DLGAP4: variants seen among roughly 807,000 people sequenced by gnomAD.
The protein encoded by DLGAP4 is disks large-associated protein 4.
DLGAP4 carries 18 observed loss-of-function variants against 86.9 expected under a neutral mutation model. The observed-to-expected ratio is 0.21, with a 90% CI of 0.14 to 0.31. The LOEUF is 0.31. Ranked by LOEUF, DLGAP4 falls within the 10% of genes least tolerant of loss-of-function variation. The probability of loss-of-function intolerance (pLI) is 1.00; values close to 1 mark genes in which losing one functional copy is unlikely to be tolerated. For missense variants in DLGAP4, 1,085 were observed against 1,362.6 expected (o/e 0.80, Z 3.21); for synonymous variants, 548 against 574.3 (o/e 0.95, Z 0.65).
At chr20:36,352,000 C>T (rs986627987) in intron 1 of DLGAP4, among the ~76,000 whole-genome samples, 7 of 152,108 alleles carry the variant, frequency 4.6e-5, no homozygotes, top group African/African-American at 1.7e-4. Flanking sequence ...GCAGGTGAGA[C>T]AGGGTGTCTG....
chr20:36,439,606 CA>C, intron 4 of DLGAP4, 147 bp from the exon 5 acceptor site: 1 of 654,718 alleles, frequency 1.5e-6, no homozygotes, highest in East Asian at 2.8e-5. Context: ...GGGTTTTAAA[CA>C]GTCAAATACA....
intron 1 of DLGAP4, among the ~76,000 whole-genome samples, chr20:36,310,675 A>C (rs2065046184): frequency 6.6e-6 from 1 of 152,160 alleles, no homozygotes; most frequent in Non-Finnish European, 1.5e-5. Context: ...TGGAGGTGCC[A>C]GGGTTTGGAT....
intron 1 of DLGAP4, among the ~76,000 whole-genome samples, chr20:36,348,045 G>C (rs1555893158): frequency 6.6e-6 from 1 of 152,054 alleles, no homozygotes; most frequent in Non-Finnish European, 1.5e-5. Context: ...CAGCCATATT[G>C]CATGTATGAC....
chr20:36,494,477 A>G (rs1349437457), intron 7 of DLGAP4, among the ~76,000 whole-genome samples: 1 of 152,212 alleles, frequency 6.6e-6, no homozygotes. Flanking sequence ...AAAATAATAC[A>G]AAGGGATTCT....
Position 36,355,299 on chromosome 20 carries a change from T to TTTC in DLGAP4, c.-303-11744_-303-11743insCTT, listed in dbSNP as rs1491529403. Among the ~76,000 whole-genome samples, 37 of 124,568 alleles carry TTTC rather than the reference T, an allele frequency of 3.0e-4. No homozygotes were observed. In the East Asian group the frequency reaches 6.7e-3, roughly 23 times the overall value. 81.7% of individuals were successfully genotyped at this position (124,568 alleles called of 152,430 possible). A position where few individuals can be genotyped will look rare whatever the true frequency, so the allele number is the denominator to read the frequency against. ...TTGTTCTTTTTTCTTTCTTTCTTTCTTTTTTTTTTTTTTTAAGAGACAGGG... is the reference window on the plus strand; with the variant it reads ...TTGTTCTTTTTTCTTTCTTTCTTTCTTTCTTTTTTTTTTTTTTAAGAGACAGGG... On this transcript the variant is annotated intron_variant, in intron 1 of 12. Coordinates refer to ENST00000339266, the MANE Select transcript of DLGAP4 (RefSeq NM_001365621.2).
chr20:36,484,447 T>TG lies in DLGAP4; in HGVS notation c.1649-12254dup, dbSNP rs529780582. Among the ~76,000 whole-genome samples, 57 of 152,338 alleles carry TG rather than the reference T, an allele frequency of 3.7e-4. No individual in the cohort carries two copies. The East Asian group carries it at 6.2e-3, about 16-fold the overall frequency. The stretch of plus-strand genomic sequence containing the variant: ...GTGAGCAGCTCTCCTAAGGAGCAGC[T>TG]GGGGTGGGGTGGAGGCATTGCTCTG... On this transcript the variant is annotated intron_variant, in intron 7 of 12. Coordinates refer to ENST00000339266, the MANE Select transcript of DLGAP4 (RefSeq NM_001365621.2).
intron 5 of DLGAP4, 48 bp from the exon 6 acceptor site, chr20:36,442,679 A>C (rs2147568057): frequency 3.8e-6 from 6 of 1,580,058 alleles, no homozygotes; most frequent in Non-Finnish European, 5.2e-6. Flanking sequence ...CCCCCACCCC[A>C]GCCCCAGCCC....
chr20:36,516,773 A>G (rs78160839), intron 10 of DLGAP4, among the ~76,000 whole-genome samples: 194 of 151,732 alleles, frequency 1.3e-3, no homozygotes, highest in African/African-American at 4.5e-3. Context: ...AGTTGCTGTT[A>G]GATATGAAGG....
intron 2 of DLGAP4, among the ~76,000 whole-genome samples, chr20:36,375,733 T>C (rs1002142572): frequency 6.6e-6 from 1 of 152,134 alleles, no homozygotes; most frequent in Non-Finnish European, 1.5e-5. Flanking sequence ...TCTGAAGATC[T>C]CACCTGCCTC....
intron 7 of DLGAP4, among the ~76,000 whole-genome samples, chr20:36,448,030 T>G (rs1000764507): frequency 3.5e-5 from 3 of 84,538 alleles, no homozygotes; most frequent in Non-Finnish European, 7.1e-5. Flanking sequence ...TATTAAGTAT[T>G]ATTAAGATGG....
chr20:36,364,961 G>T (rs2030633355), intron 1 of DLGAP4, among the ~76,000 whole-genome samples: 1 of 152,150 alleles, frequency 6.6e-6, no homozygotes, highest in Non-Finnish European at 1.5e-5. Flanking sequence ...CAGGTGTGGT[G>T]GTGCATGCCT....
chr20:36,506,233 T>G (rs2036362837), intron 10 of DLGAP4, among the ~76,000 whole-genome samples: 1 of 152,162 alleles, frequency 6.6e-6, no homozygotes, highest in Non-Finnish European at 1.5e-5. Flanking sequence ...AATAGGGTGA[T>G]TCTGTGGATT....
intron 3 of DLGAP4, among the ~76,000 whole-genome samples, chr20:36,433,331 A>C (rs1249062260): frequency 6.6e-6 from 1 of 152,216 alleles, no homozygotes; most frequent in Non-Finnish European, 1.5e-5. Flanking sequence ...AGGGGGTCCT[A>C]ACCCAGCTTG....
At position 36,409,168 on chromosome 20, in the gene DLGAP4, TG is replaced by T. The variant is rs370535839; in HGVS notation, c.-72-22475del. 3.1e-3 allele frequency among the ~76,000 whole-genome samples: 465 copies of T among 151,148 alleles called. 5 individuals carry two copies. The highest frequency in any genetic ancestry group is 0.011 in the African/African-American group (444 of 41,192). Reference sequence around the variant, plus strand: ...CTCATGCCTCAGTCTTCCAAATAGCTGGGATTACAGGCATGTGCAGCCATGC... The same window carrying T: ...CTCATGCCTCAGTCTTCCAAATAGCTGGATTACAGGCATGTGCAGCCATGC... On this transcript the variant is annotated intron_variant, in intron 2 of 12. Coordinates refer to ENST00000339266, the MANE Select transcript of DLGAP4 (RefSeq NM_001365621.2).
intron 7 of DLGAP4, among the ~76,000 whole-genome samples, chr20:36,481,854 C>A (rs1032667551): frequency 1.3e-5 from 2 of 152,184 alleles, no homozygotes; most frequent in African/African-American, 4.8e-5. Flanking sequence ...TGTGACTTTC[C>A]TGTAACAGTG....
In DLGAP4 at chr20:36,431,355, G is replaced by A. The variant is rs571628997; in HGVS notation, c.-72-291G>A. ...ATATTTCATCATGGAATTCAGAGGA[G>A]ACCCAGAACTCTGAGTCTGAGCCTG... On this transcript the variant is annotated intron_variant, in intron 2 of 12. Transcript: ENST00000339266. The surrounding 1 kb of genome is among the most constrained non-coding windows in gnomAD (Gnocchi z 5.1). Among the ~76,000 whole-genome samples the A allele has an allele frequency of 6.6e-6, 1 of 152,288 alleles. No individual in the cohort carries two copies. The highest frequency in any genetic ancestry group is 1.9e-4 in the East Asian group (1 of 5,180).
At chr20:36,319,187 A>G (rs1162910151) in intron 1 of DLGAP4, among the ~76,000 whole-genome samples, 6 of 151,958 alleles carry the variant, frequency 3.9e-5, no homozygotes, top group Non-Finnish European at 7.4e-5. Context: ...AAAGGTGGGC[A>G]TCTGTCTCAG....
At chr20:36,359,269 G>A (rs2030435700) in intron 1 of DLGAP4, among the ~76,000 whole-genome samples, 1 of 152,154 alleles carries the variant, frequency 6.6e-6, no homozygotes, top group African/African-American at 2.4e-5. Flanking sequence ...TCAGGCACAT[G>A]CCACCACCAT....
At chr20:36,330,232 C>T (rs1425258614) in intron 1 of DLGAP4, among the ~76,000 whole-genome samples, 1 of 152,104 alleles carries the variant, frequency 6.6e-6, no homozygotes, top group Non-Finnish European at 1.5e-5. Context: ...AGTGAGGAGC[C>T]TGATGGGCCA....
Sources: gnomAD v4.1 joint callset for allele counts (sites outside exome capture counted in the v4.1 genomes callset) on GRCh38, gnomAD v4.1.1 for gene constraint, Gnocchi (gnomAD v3.1) non-coding constraint, MANE v1.5 for transcripts, NCBI Gene and HGNC (gene_info 2026-07-23, HGNC 2026-07-21) for gene names.